The following PDE3A variants were observed in gnomAD, a reference collection of about 807,000 sequenced individuals.
PDE3A encodes phosphodiesterase 3A.
Under a neutral mutation model 98.3 loss-of-function variants are expected in PDE3A, and 43 were observed. That is an observed-to-expected ratio of 0.44 (90% CI 0.34 to 0.56). The LOEUF (loss-of-function observed/expected upper bound fraction) is 0.56, where lower values mean the gene tolerates loss of function less well. PDE3A is among the 20% of genes least tolerant of loss of function. PDE3A has a pLI of 0.01. For missense variants in PDE3A, 1,427 were observed against 1,440.7 expected (o/e 0.99, Z 0.15); for synonymous variants, 663 against 567.9 (o/e 1.17, Z -2.38).
intron 1 of PDE3A, among the ~76,000 whole-genome samples, chr12:20,502,359 C>T (rs1260688424): frequency 6.6e-6 from 1 of 152,132 alleles, no homozygotes; most frequent in African/African-American, 2.4e-5. Context: ...TATGGTTAGA[C>T]TTTAAAGGAA....
chr12:20,494,872 C>CA (rs5796864), intron 1 of PDE3A, among the ~76,000 whole-genome samples: 45,580 of 143,400 alleles, frequency 0.32, 7,752 homozygotes, highest in East Asian at 0.55. Context: ...AACAATTCCG[C>CA]AAAAAAAAAA....
At chr12:20,390,629 C>T (rs1052299661) in intron 1 of PDE3A, among the ~76,000 whole-genome samples, 1 of 151,676 alleles carries the variant, frequency 6.6e-6, no homozygotes, top group Non-Finnish European at 1.5e-5. Flanking sequence ...ATTTTAGTTT[C>T]GGGGTGAAGG....
chr12:20,551,673 C>G (rs1337749326), intron 1 of PDE3A: 1 of 1,607,826 alleles, frequency 6.2e-7, no homozygotes, highest in Admixed American at 1.7e-5. Flanking sequence ...TGGACCCGCC[C>G]CTCAGCAGTG....
At chr12:20,404,801 A>G (rs1179142496) in intron 1 of PDE3A, among the ~76,000 whole-genome samples, 1 of 143,500 alleles carries the variant, frequency 7.0e-6, no homozygotes. Flanking sequence ...GACCATTGCC[A>G]TTCCACACAT....
At chr12:20,486,140 CACTGCTATAAAGA>C (rs1945723492) in intron 1 of PDE3A, among the ~76,000 whole-genome samples, 1 of 152,288 alleles carries the variant, frequency 6.6e-6, no homozygotes, top group South Asian at 2.1e-4. Context: ...TCTGTTTTCA[CACTGCTATAAAGA>C]ACTGCCTGAG....
intron 6 of PDE3A, among the ~76,000 whole-genome samples, chr12:20,631,141 A>G (rs1944368001): frequency 6.6e-6 from 1 of 152,152 alleles, no homozygotes; most frequent in African/African-American, 2.4e-5. Context: ...TACATGAGAA[A>G]TTATTTTCAT....
At chr12:20,557,497 C>G (rs1942399449) in intron 2 of PDE3A, among the ~76,000 whole-genome samples, 1 of 152,096 alleles carries the variant, frequency 6.6e-6, no homozygotes, top group Admixed American at 6.5e-5. Flanking sequence ...ATTTTTGCTT[C>G]TATTGCACAC....
chr12:20,592,131 A>G (rs949740954), intron 2 of PDE3A, among the ~76,000 whole-genome samples: 1 of 152,166 alleles, frequency 6.6e-6, no homozygotes, highest in Non-Finnish European at 1.5e-5. Context: ...GGTAGGTTAC[A>G]TTACTGAAAG....
intron 1 of PDE3A, among the ~76,000 whole-genome samples, chr12:20,508,254 G>C (rs547425912): frequency 1.3e-5 from 2 of 151,890 alleles, no homozygotes; most frequent in South Asian, 4.1e-4. Flanking sequence ...CTATGTACCT[G>C]ATCCCTCCCG....
At chr12:20,402,236 G>A (rs982240671) in intron 1 of PDE3A, among the ~76,000 whole-genome samples, 2 of 151,952 alleles carry the variant, frequency 1.3e-5, no homozygotes, top group Non-Finnish European at 1.5e-5. Context: ...TGCAGCCTCC[G>A]CCTCCCGGGT....
At chr12:20,421,625 C>T (rs1325430080) in intron 1 of PDE3A, among the ~76,000 whole-genome samples, 1 of 150,026 alleles carries the variant, frequency 6.7e-6, no homozygotes, top group African/African-American at 2.4e-5. Context: ...ACCACCCATG[C>T]TCACTTTTGT....
intron 15 of PDE3A, among the ~76,000 whole-genome samples, chr12:20,675,342 A>G (rs1254764500): frequency 4.6e-5 from 7 of 152,200 alleles, no homozygotes; most frequent in South Asian, 4.1e-4. Context: ...CATCTGGTCT[A>G]TCCTGGAGAA....
At chr12:20,636,775 T>TTA (rs1338613355) in intron 8 of PDE3A, among the ~76,000 whole-genome samples, 1 of 152,194 alleles carries the variant, frequency 6.6e-6, no homozygotes, top group Non-Finnish European at 1.5e-5. Context: ...AAACTTTATT[T>TTA]AAGAACCTTG....
chr12:20,551,608 C>T (rs1361643644), intron 1 of PDE3A: 7 of 1,562,276 alleles, frequency 4.5e-6, no homozygotes, highest in Non-Finnish European at 6.1e-6. Context: ...CCGGCAGGAC[C>T]CCGACAAGCA....
chr12:20,394,422 G>A (rs558533560), intron 1 of PDE3A, among the ~76,000 whole-genome samples: 36 of 152,008 alleles, frequency 2.4e-4, no homozygotes, highest in Non-Finnish European at 3.7e-4. Context: ...TTTTTCATGA[G>A]TTGGGATAAA....
intron 2 of PDE3A, among the ~76,000 whole-genome samples, chr12:20,581,538 CATT>C (rs1185506926): frequency 2.0e-5 from 3 of 151,584 alleles, no homozygotes; most frequent in Non-Finnish European, 4.4e-5. Context: ...GTATTTTCAA[CATT>C]ATAGACGTTA....
chr12:20,385,648 A>G (rs1452492472), intron 1 of PDE3A, among the ~76,000 whole-genome samples: 2 of 151,768 alleles, frequency 1.3e-5, no homozygotes, highest in African/African-American at 2.4e-5. Flanking sequence ...AGGGACATGG[A>G]TGAAGCTGGA....
chr12:20,369,765 G>C lies in PDE3A; in HGVS notation c.481G>C (p.Val161Leu), dbSNP rs1276564400. Residue 161 changes from valine (V) to leucine (L), a missense_variant, in exon 1 of 16, where the codon GTC becomes CTC. Physicochemically the swap from Val to Leu is conservative, Grantham distance 32. Coordinates refer to ENST00000359062, the MANE Select transcript of PDE3A (RefSeq NM_000921.5). ...LRAGVRLPLA[V>L]ALLAACCGGE... ...CGCCGGGGTGCGCCTGCCTCTGGCTGTCGCGCTGCTGGCCGCCTGCTGCGG... is the reference window on the plus strand; with the variant it reads ...CGCCGGGGTGCGCCTGCCTCTGGCTCTCGCGCTGCTGGCCGCCTGCTGCGG... The C allele has an allele frequency of 3.7e-6, 6 of 1,612,422 alleles. No individual in the cohort carries two copies. The highest frequency in any genetic ancestry group is 3.3e-5 in the Admixed American group (2 of 59,970).
intron 1 of PDE3A, among the ~76,000 whole-genome samples, chr12:20,469,332 C>A (rs1945396855): frequency 6.6e-6 from 1 of 152,130 alleles, no homozygotes; most frequent in African/African-American, 2.4e-5. Flanking sequence ...GAACTTCATT[C>A]CTTACTTTTA....
Sources: gnomAD v4.1 joint callset for allele counts (sites outside exome capture counted in the v4.1 genomes callset) on GRCh38, gnomAD v4.1.1 for gene constraint, MANE v1.5 for transcripts, NCBI Gene and HGNC (gene_info 2026-07-23, HGNC 2026-07-21) for gene names.